The following C1orf232 variants were observed in gnomAD, a reference collection of about 807,000 sequenced individuals.
The protein encoded by C1orf232 is uncharacterized protein C1orf232.
A neutral mutation model predicts 12.1 loss-of-function variants in C1orf232; 10 were observed. That is an observed-to-expected ratio of 0.82 (90% confidence interval 0.51 to 1.40). The LOEUF (loss-of-function observed/expected upper bound fraction) is 1.40, where lower values mean the gene tolerates loss of function less well. Among genes scored for constraint, C1orf232 ranks in the 40% most tolerant of loss-of-function variants. The pLI is 0.00. For missense variants in C1orf232, 88 were observed against 98.4 expected, an observed-to-expected ratio of 0.89 and a Z score of 0.45; for synonymous variants, 36 against 39.8, an observed-to-expected ratio of 0.90 and a Z score of 0.36.
chr1:26,166,755 C>A (rs2088431844), intron 1 of C1orf232, among the ~76,000 whole-genome samples: 1 of 152,186 alleles, frequency 6.6e-6, no homozygotes, highest in African/African-American at 2.4e-5. Flanking sequence ...CAGCTCTTCA[C>A]CTGTACATAG....
chr1:26,168,402 T>C lies in C1orf232; in HGVS notation c.84+14A>G, dbSNP rs1569858604. 1 of 1,231,592 alleles carries C rather than the reference T, an allele frequency of 8.1e-7. No homozygotes were observed. Among genetic ancestry groups the C allele is most frequent in the East Asian group, 3.2e-5 (1 of 31,710 alleles). The allele number at this position is 1,231,592 out of a possible 1,614,324, so 76.3% of individuals were successfully genotyped here. The stretch of plus-strand genomic sequence containing the variant: ...CTGCACATGCTCCACCCACCATGCA[T>C]GGATGGCACCCACCTCCTCTGCCAG... On this transcript the variant is annotated intron_variant, in intron 1 of 3. Coordinates refer to ENST00000634842, the MANE Select transcript of C1orf232 (RefSeq NM_001364669.2).
chr1:26,167,350 T>G (rs1184141913), intron 1 of C1orf232, among the ~76,000 whole-genome samples: 1 of 151,976 alleles, frequency 6.6e-6, no homozygotes, highest in Non-Finnish European at 1.5e-5. Context: ...CCACCATGCC[T>G]GTCTAATTTT....
chr1:26,164,332 G>C lies in C1orf232; in HGVS notation c.390C>G (p.Arg130=). 1 of 397,030 alleles carries C rather than the reference G, an allele frequency of 2.5e-6. No homozygotes were observed. Among genetic ancestry groups the C allele is most frequent in the Non-Finnish European group, 4.4e-6 (1 of 224,996 alleles). 24.6% of individuals were successfully genotyped at this position (397,030 alleles called of 1,614,324 possible). ...QQQAAAASML[R]GTEPTPEPDP... is the part of the protein sequence containing the mutation. ...CCGGCTCCGGAGTGGGCTCGGTGCCGCGCAGCATGGACGCCGCCGCGGCCT... is the reference window on the plus strand; with the variant it reads ...CCGGCTCCGGAGTGGGCTCGGTGCCCCGCAGCATGGACGCCGCCGCGGCCT... Residue 130 remains arginine, a synonymous_variant, in exon 4 of 4, where the codon CGC becomes CGG. Transcript: ENST00000634842. The surrounding 1 kb of genome is among the most constrained non-coding windows in gnomAD (Gnocchi z 4.2).
rs183519779 is a variant in C1orf232, at chr1:26,168,896, A to G, written c.-397T>C. Among the ~76,000 whole-genome samples the G allele has an allele frequency of 2.0e-5, 3 of 152,110 alleles. No individual in the cohort carries two copies. The East Asian group carries it at 5.8e-4, about 29-fold the overall frequency. On this transcript the variant is annotated 5_prime_UTR_variant, in exon 1 of 4. Transcript: ENST00000634842. ...TGGGACCCACACTGGAGCCCCTGTGACTGTAGTCATACTAGTTGTGTCCTC... is the reference window on the plus strand; with the variant it reads ...TGGGACCCACACTGGAGCCCCTGTGGCTGTAGTCATACTAGTTGTGTCCTC...
In C1orf232 at chr1:26,164,259, C is replaced by G. The variant is rs2088398784; in HGVS notation, c.463G>C (p.Glu155Gln). ...EAAEEAAERP[E>Q]SQEAEPVAGF... ...GCCACCGGCTCGGCCTCCTGCGACTCGGGGCGCTCTGCGGCCTCCTCCGCG... is the reference window on the plus strand; with the variant it reads ...GCCACCGGCTCGGCCTCCTGCGACTGGGGGCGCTCTGCGGCCTCCTCCGCG... The change falls in exon 4 of 4, where the codon GAG becomes CAG. Residue 155 changes from glutamate (E) to glutamine (Q), a missense_variant. Transcript: ENST00000634842. This position sits in a 1 kb window ranked among gnomAD's most constrained non-coding sequence, Gnocchi z 4.2. The G allele has an allele frequency of 5.0e-6, 2 of 398,350 alleles. No individual in the cohort carries two copies. The highest frequency in any genetic ancestry group is 3.6e-5 in the East Asian group (1 of 28,088). 24.7% of individuals were successfully genotyped at this position (398,350 alleles called of 1,614,324 possible). A position where few individuals can be genotyped will look rare whatever the true frequency, so the allele number is the denominator to read the frequency against.
chr1:26,167,224 T>C (rs572879033), intron 1 of C1orf232, among the ~76,000 whole-genome samples: 1 of 152,362 alleles, frequency 6.6e-6, no homozygotes, highest in East Asian at 1.9e-4. Flanking sequence ...TTGCTGTTGT[T>C]GTTTTGAGAC....
At position 26,164,597 on chromosome 1, in the gene C1orf232, G is replaced by C. The variant is rs1312817179; in HGVS notation, c.267-142C>G. On this transcript the variant is annotated intron_variant, in intron 3 of 3. Transcript: ENST00000634842. The surrounding 1 kb of genome is among the most constrained non-coding windows in gnomAD (Gnocchi z 4.2). Reference sequence around the variant, plus strand: ...GGTGAGGAGCGGGGTCAGGTGACCAGTGGGGGACCGGGACGAGGAGGAGGG... The same window carrying C: ...GGTGAGGAGCGGGGTCAGGTGACCACTGGGGGACCGGGACGAGGAGGAGGG... 2.9e-6 allele frequency: 1 copy of C among 349,684 alleles called. No individual in the cohort carries two copies. The allele number at this position is 349,684 out of a possible 1,614,324, so 21.7% of individuals were successfully genotyped here.
rs2088400624 is a variant in C1orf232, at chr1:26,164,322, G to C, written c.400C>G (p.Pro134Ala). Residue 134 changes from proline (P) to alanine (A), a missense_variant, in exon 4 of 4, where the codon CCC becomes GCC. Coordinates refer to ENST00000634842, the MANE Select transcript of C1orf232 (RefSeq NM_001364669.2). The surrounding 1 kb of genome is among the most constrained non-coding windows in gnomAD (Gnocchi z 4.2). ...AAASMLRGTE[P>A]TPEPDPEPAD... ...GGTTCGGGGTCCGGCTCCGGAGTGGGCTCGGTGCCGCGCAGCATGGACGCC... is the reference window on the plus strand; with the variant it reads ...GGTTCGGGGTCCGGCTCCGGAGTGGCCTCGGTGCCGCGCAGCATGGACGCC... 7 of 397,258 alleles carry C rather than the reference G, an allele frequency of 1.8e-5. No homozygotes were observed. The highest frequency in any genetic ancestry group is 3.1e-5 in the Non-Finnish European group (7 of 225,222). The allele number at this position is 397,258 out of a possible 1,614,324, so 24.6% of individuals were successfully genotyped here.
chr1:26,167,328 T>C (rs1025100533), intron 1 of C1orf232, among the ~76,000 whole-genome samples: 4 of 152,200 alleles, frequency 2.6e-5, no homozygotes, highest in African/African-American at 9.7e-5. Context: ...TAGCTGGGAC[T>C]ACAGGTGTGT....
At chr1:26,168,323 C>A in intron 1 of C1orf232, 93 bp downstream of exon 1, 2 of 919,066 alleles carry the variant, frequency 2.2e-6, no homozygotes, top group South Asian at 5.5e-5. Context: ...GTGGCCCCCC[C>A]ACCTCCAAGC....
Position 26,166,771 on chromosome 1 carries a change from C to T in C1orf232, c.85-653G>A, listed in dbSNP as rs114843749. 9.2e-3 allele frequency among the ~76,000 whole-genome samples: 1,408 copies of T among 152,294 alleles called. 7 individuals are homozygous for T. The highest frequency in any genetic ancestry group is 0.017 in the Middle Eastern group (5 of 294). ...AGCTCTTCACCTGTACATAGACATA[C>T]GTGTTGTGAAGCACCTATACAAGGA... On this transcript the variant is annotated intron_variant, in intron 1 of 3. Coordinates refer to ENST00000634842, the MANE Select transcript of C1orf232 (RefSeq NM_001364669.2).
chr1:26,167,106 T>C (rs900230029), intron 1 of C1orf232, among the ~76,000 whole-genome samples: 4 of 152,168 alleles, frequency 2.6e-5, no homozygotes, highest in African/African-American at 9.6e-5. Context: ...ATTCAAACCA[T>C]TCCCCGCCCC....
chr1:26,168,039 G>A (rs899339621), intron 1 of C1orf232, among the ~76,000 whole-genome samples: 1 of 152,106 alleles, frequency 6.6e-6, no homozygotes, highest in Admixed American at 6.6e-5. Flanking sequence ...TAGTACAGGC[G>A]CCACTCCCCC....
Position 26,168,644 on chromosome 1 carries a change from C to T in C1orf232, c.-145G>A. The T allele has an allele frequency of 2.2e-6, 1 of 452,746 alleles. No individual in the cohort carries two copies. The highest frequency in any genetic ancestry group is 3.6e-6 in the Non-Finnish European group (1 of 276,800). The allele number at this position is 452,746 out of a possible 1,614,324, so 28.0% of individuals were successfully genotyped here. On this transcript the variant is annotated 5_prime_UTR_variant, in exon 1 of 4. Transcript: ENST00000634842. ...TTCATTAAAGATGCACCAGCCTCCCCAGCTGGCACAGTGCCCAGGAGGTGA... is the reference window on the plus strand; with the variant it reads ...TTCATTAAAGATGCACCAGCCTCCCTAGCTGGCACAGTGCCCAGGAGGTGA...
rs559918341 is a variant in C1orf232 at position 26,164,739 on chromosome 1, G to A, written c.267-284C>T. Among the ~76,000 whole-genome samples the A allele has an allele frequency of 1.2e-4, 18 of 152,208 alleles. No individual in the cohort carries two copies. Among genetic ancestry groups the A allele is most frequent in the Admixed American group, 2.6e-4 (4 of 15,292 alleles). On this transcript the variant is annotated intron_variant, in intron 3 of 3. Transcript: ENST00000634842. This position sits in a 1 kb window ranked among gnomAD's most constrained non-coding sequence, Gnocchi z 4.2. ...GGAGGGGACCGGGATCAGGATCCCT[G>A]GGGAGAGAATGAGGTCAGGGTTTCA...
In C1orf232 at chr1:26,166,096, C is replaced by A; in HGVS notation, c.107G>T (p.Gly36Val). The A allele has an allele frequency of 8.1e-7, 1 of 1,231,650 alleles. No individual in the cohort carries two copies. The highest frequency in any genetic ancestry group is 1.0e-6 in the Non-Finnish European group (1 of 987,956). 76.3% of individuals were successfully genotyped at this position (1,231,650 alleles called of 1,614,324 possible). The change falls in exon 2 of 4, where the codon GGG (glycine) becomes GTG (valine). Residue 36 changes from glycine to valine, a missense_variant. Transcript: ENST00000634842. Reference sequence around the variant, plus strand: ...CTCGGTCGGTTCTGCTGTCTCAGACCCCACTAATGCTGGGTTCTCCCTCTG... The same window carrying A: ...CTCGGTCGGTTCTGCTGTCTCAGACACCACTAATGCTGGGTTCTCCCTCTG... ...AEERENPALV[G>V]SETAEPTEET...
chr1:26,165,648 C>G, intron 3 of C1orf232, 178 bp downstream of exon 3: 1 of 1,109,122 alleles, frequency 9.0e-7, no homozygotes, highest in Non-Finnish European at 1.1e-6. Context: ...GAGATTTACC[C>G]TAATCTCCCA....
rs2088422185 is a variant in C1orf232, at chr1:26,166,015, G to C, written c.168+20C>G. ...TGCCAGGCTGCCCAGGGTTGGGGTG[G>C]AAGAAGGGAGAATACTCACCCGGCG... On this transcript the variant is annotated intron_variant, in intron 2 of 3. Transcript: ENST00000634842. 8 of 1,231,574 alleles carry C rather than the reference G, an allele frequency of 6.5e-6. No individual in the cohort carries two copies. The highest frequency in any genetic ancestry group is 8.1e-6 in the Non-Finnish European group (8 of 987,976). 76.3% of individuals were successfully genotyped at this position (1,231,574 alleles called of 1,614,324 possible).
At position 26,164,905 on chromosome 1, in the gene C1orf232, G is replaced by A. The variant is rs1167490259; in HGVS notation, c.267-450C>T. Reference sequence around the variant, plus strand: ...GGGGAAAAGAGGCGGGGCACAGACAGGAATCAGGTTCTGAGATTGAGGGAA... The same window carrying A: ...GGGGAAAAGAGGCGGGGCACAGACAAGAATCAGGTTCTGAGATTGAGGGAA... On this transcript the variant is annotated intron_variant, in intron 3 of 3. Coordinates refer to ENST00000634842, the MANE Select transcript of C1orf232 (RefSeq NM_001364669.2). The surrounding 1 kb of genome is among the most constrained non-coding windows in gnomAD (Gnocchi z 4.2). Among the ~76,000 whole-genome samples the A allele has an allele frequency of 6.6e-6, 1 of 152,070 alleles. No individual in the cohort carries two copies. Among genetic ancestry groups the A allele is most frequent in the African/African-American group, 2.4e-5 (1 of 41,396 alleles).
Sources: allele counts gnomAD v4.1 joint callset (sites outside exome capture counted in the v4.1 genomes callset), GRCh38; gene constraint gnomAD v4.1.1; non-coding constraint Gnocchi (gnomAD v3.1); transcripts MANE v1.5; gene names NCBI Gene and HGNC (gene_info 2026-07-23, HGNC 2026-07-21).